HS6ST3: variants seen among roughly 807,000 people sequenced by gnomAD.
HS6ST3 encodes the protein heparan-sulfate 6-O-sulfotransferase 3.
In HS6ST3, 12 loss-of-function variants were observed where a neutral mutation model predicts 36.7. The observed-to-expected ratio is 0.33, with a 90% CI of 0.21 to 0.53. The LOEUF is 0.53. Among genes scored for constraint, HS6ST3 ranks in the 20% least tolerant of loss-of-function variants. The pLI is 0.95. For missense variants in HS6ST3, 584 were observed against 640.9 expected (o/e 0.91, Z 0.96); for synonymous variants, 240 against 257.5 (o/e 0.93, Z 0.65).
intron 1 of HS6ST3, among the ~76,000 whole-genome samples, chr13:96,127,802 G>GT (rs1305091548): frequency 1.3e-5 from 2 of 152,168 alleles, no homozygotes; most frequent in African/African-American, 4.8e-5. Context: ...TCTACCCCTT[G>GT]TGTGCTCATT....
At chr13:96,307,522 G>T (rs1450981708) in intron 1 of HS6ST3, among the ~76,000 whole-genome samples, 1 of 151,984 alleles carries the variant, frequency 6.6e-6, no homozygotes, top group East Asian at 1.9e-4. Flanking sequence ...TAATACATTA[G>T]ATAGGCTTGA....
chr13:96,443,121 A>G (rs1434888678), intron 1 of HS6ST3, among the ~76,000 whole-genome samples: 3 of 152,172 alleles, frequency 2.0e-5, no homozygotes, highest in Non-Finnish European at 4.4e-5. Context: ...AAAAGGAATC[A>G]TAACACAAAT....
chr13:96,286,287 C>A (rs1306473276), intron 1 of HS6ST3, among the ~76,000 whole-genome samples: 9 of 152,108 alleles, frequency 5.9e-5, no homozygotes, highest in Non-Finnish European at 8.8e-5. Context: ...CGATTTGATT[C>A]TTAATCATTT....
intron 1 of HS6ST3, among the ~76,000 whole-genome samples, chr13:96,440,358 A>G (rs1382438575): frequency 6.6e-6 from 1 of 151,616 alleles, no homozygotes; most frequent in African/African-American, 2.4e-5. Flanking sequence ...AGGCATGAGA[A>G]TCGCTTGAAC....
At chr13:96,552,397 G>T (rs2056222735) in intron 1 of HS6ST3, among the ~76,000 whole-genome samples, 1 of 152,214 alleles carries the variant, frequency 6.6e-6, no homozygotes, top group South Asian at 2.1e-4. Flanking sequence ...GTGACACGCT[G>T]TTCTGGGTGT....
At chr13:96,214,695 C>T (rs1399704882) in intron 1 of HS6ST3, among the ~76,000 whole-genome samples, 2 of 152,042 alleles carry the variant, frequency 1.3e-5, no homozygotes, top group South Asian at 2.1e-4. Flanking sequence ...GCACATGTAA[C>T]CATATCGTAA....
chr13:96,491,307 A>G (rs2055944168), intron 1 of HS6ST3, among the ~76,000 whole-genome samples: 1 of 152,074 alleles, frequency 6.6e-6, no homozygotes, highest in Admixed American at 6.6e-5. Flanking sequence ...TCCCACGGCC[A>G]CTGTTTCAGT....
chr13:96,399,300 CA>C (rs1442355872), intron 1 of HS6ST3, among the ~76,000 whole-genome samples: 11 of 152,054 alleles, frequency 7.2e-5, no homozygotes, highest in Admixed American at 7.2e-4. Context: ...GATGAAATTA[CA>C]GAGATAAAAC....
At chr13:96,767,549 C>G (rs147034658) in intron 1 of HS6ST3, among the ~76,000 whole-genome samples, 1 of 152,304 alleles carries the variant, frequency 6.6e-6, no homozygotes, top group African/African-American at 2.4e-5. Context: ...ATCTTGTACA[C>G]AGCTTCCATG....
intron 1 of HS6ST3, among the ~76,000 whole-genome samples, chr13:96,128,785 G>A (rs1252264283): frequency 6.6e-6 from 1 of 151,802 alleles, no homozygotes; most frequent in Non-Finnish European, 1.5e-5. Flanking sequence ...ATTTAAAAAT[G>A]TGAATGTGCC....
chr13:96,744,690 G>A (rs931707809), intron 1 of HS6ST3, among the ~76,000 whole-genome samples: 2 of 151,984 alleles, frequency 1.3e-5, no homozygotes, highest in African/African-American at 4.8e-5. Flanking sequence ...TACCAACTTT[G>A]CATAAGCAAA....
intron 1 of HS6ST3, among the ~76,000 whole-genome samples, chr13:96,696,847 A>G (rs1875142101): frequency 6.6e-6 from 1 of 152,140 alleles, no homozygotes; most frequent in African/African-American, 2.4e-5. Context: ...CAGGGAACTC[A>G]AGACCTGCTC....
chr13:96,336,431 T>C (rs1275134230), intron 1 of HS6ST3, among the ~76,000 whole-genome samples: 1 of 152,244 alleles, frequency 6.6e-6, no homozygotes, highest in East Asian at 1.9e-4. Context: ...AGAATGTGAC[T>C]GTACTTGGAT....
At chr13:96,523,000 C>T (rs1032011375) in intron 1 of HS6ST3, among the ~76,000 whole-genome samples, 6 of 152,078 alleles carry the variant, frequency 3.9e-5, no homozygotes, top group Non-Finnish European at 7.4e-5. Context: ...TGGCTGGTAC[C>T]GGTTGTTCCT....
At chr13:96,540,192 C>T (rs1373041199) in intron 1 of HS6ST3, among the ~76,000 whole-genome samples, 1 of 152,226 alleles carries the variant, frequency 6.6e-6, no homozygotes, top group Non-Finnish European at 1.5e-5. Flanking sequence ...CTACACCCTA[C>T]TACCCACCTA....
At chr13:96,636,598 C>G (rs935787873) in intron 1 of HS6ST3, among the ~76,000 whole-genome samples, 1 of 152,134 alleles carries the variant, frequency 6.6e-6, no homozygotes, top group Non-Finnish European at 1.5e-5. Flanking sequence ...TTTATTTACT[C>G]TTGGTACTTT....
chr13:96,131,555 G>C (rs543709030), intron 1 of HS6ST3, among the ~76,000 whole-genome samples: 1 of 152,118 alleles, frequency 6.6e-6, no homozygotes, highest in Non-Finnish European at 1.5e-5. Flanking sequence ...TTTATTTGTA[G>C]TGAGAATGCC....
chr13:96,226,694 T>C (rs1223968649), intron 1 of HS6ST3, among the ~76,000 whole-genome samples: 1 of 152,224 alleles, frequency 6.6e-6, no homozygotes, highest in Non-Finnish European at 1.5e-5. Flanking sequence ...TGAATATTTT[T>C]CTGTTTAAGT....
intron 1 of HS6ST3, among the ~76,000 whole-genome samples, chr13:96,155,937 G>A (rs1243271133): frequency 3.3e-5 from 5 of 152,146 alleles, no homozygotes; most frequent in Non-Finnish European, 7.4e-5. Flanking sequence ...AGTGACCTTC[G>A]AAAGGCTCAG....
Sources: gnomAD v4.1 joint callset for allele counts (sites outside exome capture counted in the v4.1 genomes callset) on GRCh38, gnomAD v4.1.1 for gene constraint, MANE v1.5 for transcripts, NCBI Gene and HGNC (gene_info 2026-07-23, HGNC 2026-07-21) for gene names.